Variants in NKAIN2 observed in about 807,000 individuals in gnomAD.
NKAIN2 encodes sodium/potassium-transporting ATPase subunit beta-1-interacting protein 2.
NKAIN2 carries 14 observed loss-of-function variants against 32.6 expected under a neutral mutation model. That is an observed-to-expected ratio of 0.43 (90% CI 0.28 to 0.67). The LOEUF (loss-of-function observed/expected upper bound fraction) is 0.67, where lower values mean the gene tolerates loss of function less well. Ranked by LOEUF, NKAIN2 falls within the 30% of genes least tolerant of loss-of-function variation. The pLI is 0.17. For synonymous variants in NKAIN2, 80 were observed against 87.2 expected (o/e 0.92, Z 0.46); for missense variants, 198 against 258.3 (o/e 0.77, Z 1.60).
intron 3 of NKAIN2, among the ~76,000 whole-genome samples, chr6:124,385,744 A>G (rs1772869685): frequency 6.6e-6 from 1 of 151,188 alleles, no homozygotes; most frequent in Non-Finnish European, 1.5e-5. Flanking sequence ...CTATCTCATG[A>G]GTAGCCAAGA....
intron 1 of NKAIN2, among the ~76,000 whole-genome samples, chr6:124,280,938 A>C (rs1210400075): frequency 1.3e-5 from 2 of 152,226 alleles, no homozygotes; most frequent in African/African-American, 4.8e-5. Flanking sequence ...AGTCTGCACA[A>C]ACTTGTAAGT....
At chr6:124,366,063 A>G (rs578063190) in intron 3 of NKAIN2, among the ~76,000 whole-genome samples, 1 of 152,208 alleles carries the variant, frequency 6.6e-6, no homozygotes, top group East Asian at 1.9e-4. Context: ...CTTAACTTCC[A>G]TAGCCAGAAG....
At chr6:124,064,118 T>C (rs1282294300) in intron 1 of NKAIN2, among the ~76,000 whole-genome samples, 2 of 151,930 alleles carry the variant, frequency 1.3e-5, no homozygotes, top group Non-Finnish European at 2.9e-5. Flanking sequence ...GCCCGGCTAA[T>C]TTTTTATATT....
At chr6:124,679,873 T>C (rs1033488899) in intron 4 of NKAIN2, among the ~76,000 whole-genome samples, 2 of 152,188 alleles carry the variant, frequency 1.3e-5, no homozygotes, top group Non-Finnish European at 1.5e-5. Context: ...CCATTCAGGA[T>C]TTTTACATGA....
intron 5 of NKAIN2, among the ~76,000 whole-genome samples, chr6:124,818,110 G>C (rs547779402): frequency 6.6e-6 from 1 of 151,398 alleles, no homozygotes; most frequent in Non-Finnish European, 1.5e-5. Context: ...ATTAGGTCTT[G>C]GTTGTTTGAA....
At chr6:124,040,235 A>G (rs1041080962) in intron 1 of NKAIN2, among the ~76,000 whole-genome samples, 1 of 151,934 alleles carries the variant, frequency 6.6e-6, no homozygotes, top group African/African-American at 2.4e-5. Flanking sequence ...TTATTTAGGA[A>G]TTTTATAAAT....
chr6:123,804,725 A>G (rs1370313595), intron 1 of NKAIN2, among the ~76,000 whole-genome samples: 2 of 152,112 alleles, frequency 1.3e-5, no homozygotes, highest in African/African-American at 4.8e-5. Flanking sequence ...TTTAAGTATA[A>G]TGCTCTAAAA....
intron 3 of NKAIN2, among the ~76,000 whole-genome samples, chr6:124,416,375 G>C (rs1774488697): frequency 6.6e-6 from 1 of 152,162 alleles, no homozygotes; most frequent in South Asian, 2.1e-4. Context: ...CAGCTATGGT[G>C]GCCCATACCT....
chr6:123,835,031 G>A (rs12207255), intron 1 of NKAIN2, among the ~76,000 whole-genome samples: 31,580 of 151,966 alleles, frequency 0.21, 3,360 homozygotes, highest in Non-Finnish European at 0.23. Flanking sequence ...TTGTTTTCTT[G>A]TATTGTCTGT....
At chr6:124,804,524 G>A (rs1033181509) in intron 5 of NKAIN2, 96 of 561,698 alleles carry the variant, frequency 1.7e-4, no homozygotes, top group South Asian at 1.5e-3. Context: ...CAAGATGGCC[G>A]AACAGGAACA....
intron 3 of NKAIN2, among the ~76,000 whole-genome samples, chr6:124,533,550 C>T (rs1262405728): frequency 6.6e-6 from 1 of 150,482 alleles, no homozygotes; most frequent in Non-Finnish European, 1.5e-5. Context: ...GATTTATGTC[C>T]TCTTCCACCT....
chr6:124,421,643 G>T (rs1774756893), intron 3 of NKAIN2, among the ~76,000 whole-genome samples: 1 of 152,122 alleles, frequency 6.6e-6, no homozygotes, highest in South Asian at 2.1e-4. Context: ...CTCACATGAG[G>T]GTTAATGATG....
chr6:124,395,543 A>C (rs1024808748), intron 3 of NKAIN2, among the ~76,000 whole-genome samples: 1 of 152,186 alleles, frequency 6.6e-6, no homozygotes, highest in African/African-American at 2.4e-5. Flanking sequence ...TAAAATTGAG[A>C]TACTCATGGA....
At chr6:124,405,329 A>T (rs1283104426) in intron 3 of NKAIN2, among the ~76,000 whole-genome samples, 1 of 152,122 alleles carries the variant, frequency 6.6e-6, no homozygotes, top group South Asian at 2.1e-4. Flanking sequence ...GTGGATAATT[A>T]CCATGAGTCT....
At chr6:124,282,131 T>C (rs2251785) in intron 1 of NKAIN2, 11,754 of 249,004 alleles carry the variant, frequency 0.047, 1,040 homozygotes, top group African/African-American at 0.22. Flanking sequence ...ACTTCCGGAC[T>C]ACCCACTAAT....
intron 1 of NKAIN2, among the ~76,000 whole-genome samples, chr6:123,826,194 G>C (rs1042065548): frequency 1.3e-5 from 2 of 152,056 alleles, no homozygotes; most frequent in African/African-American, 2.4e-5. Flanking sequence ...GGAAAAGAGA[G>C]ATTTGTCAGA....
At chr6:124,768,498 G>A (rs1778608208) in intron 4 of NKAIN2, among the ~76,000 whole-genome samples, 1 of 152,076 alleles carries the variant, frequency 6.6e-6, no homozygotes, top group African/African-American at 2.4e-5. Context: ...TGAGAGCTCA[G>A]GCTCCTAACC....
chr6:124,373,949 G>A (rs1799876928), intron 3 of NKAIN2, among the ~76,000 whole-genome samples: 1 of 152,068 alleles, frequency 6.6e-6, no homozygotes, highest in Admixed American at 6.6e-5. Flanking sequence ...ACACAGAGGA[G>A]TCCAGGGAGG....
chr6:124,168,251 A>G (rs1260855592), intron 1 of NKAIN2, among the ~76,000 whole-genome samples: 1 of 152,176 alleles, frequency 6.6e-6, no homozygotes, highest in African/African-American at 2.4e-5. Context: ...AGTTAACTGA[A>G]GGACTAATCA....
Sources: gnomAD v4.1 joint callset for allele counts (sites outside exome capture counted in the v4.1 genomes callset) on GRCh38, gnomAD v4.1.1 for gene constraint, MANE v1.5 for transcripts, NCBI Gene and HGNC (gene_info 2026-07-23, HGNC 2026-07-21) for gene names.